CCDC170: variants seen among roughly 807,000 people sequenced by gnomAD.
The protein encoded by CCDC170 is coiled-coil domain-containing protein 170.
CCDC170 carries 69 observed loss-of-function variants against 72.6 expected under a neutral mutation model. The ratio of observed to expected loss-of-function variants is 0.95; its 90% CI spans 0.78 to 1.16. The LOEUF is 1.16. Ranked by LOEUF, CCDC170 falls within the 50% of genes most tolerant of loss-of-function variation. CCDC170 has a pLI of 0.00. For missense variants in CCDC170, 852 were observed against 832.5 expected (o/e 1.02, Z -0.29); for synonymous variants, 300 against 303.9 (o/e 0.99, Z 0.13).
intron 10 of CCDC170, among the ~76,000 whole-genome samples, chr6:151,617,408 C>CTTTTTTTTTTTTTTTTTTT (rs745655791): frequency 1.3e-4 from 12 of 91,474 alleles, no homozygotes; most frequent in Non-Finnish European, 2.4e-4. Flanking sequence ...GCTGTTTGTT[C>CTTTTTTTTTTTTTTTTTTT]TTTTTTTTTT....
chr6:151,571,458 A>T (rs756393136), intron 5 of CCDC170, among the ~76,000 whole-genome samples: 2 of 152,036 alleles, frequency 1.3e-5, no homozygotes, highest in African/African-American at 4.8e-5. Context: ...AATTTTAAAG[A>T]TGCTCATGCC....
At chr6:151,507,028 G>A (rs1385160307) in intron 1 of CCDC170, among the ~76,000 whole-genome samples, 3 of 152,106 alleles carry the variant, frequency 2.0e-5, no homozygotes, top group African/African-American at 7.2e-5. Flanking sequence ...CATCCTATTG[G>A]TTCTGTTTCT....
chr6:151,508,534 A>G (rs1782096252), intron 1 of CCDC170, among the ~76,000 whole-genome samples: 1 of 150,386 alleles, frequency 6.6e-6, no homozygotes, highest in Non-Finnish European at 1.5e-5. Context: ...ACGAAACTCC[A>G]TCTGAAAAAA....
At chr6:151,605,539 G>A (rs528779334) in intron 9 of CCDC170, among the ~76,000 whole-genome samples, 12 of 152,300 alleles carry the variant, frequency 7.9e-5, no homozygotes, top group Non-Finnish European at 1.5e-4. Flanking sequence ...GGCACTCAAA[G>A]TAGCTGCTTT....
At chr6:151,505,039 A>C (rs1782047521) in intron 1 of CCDC170, among the ~76,000 whole-genome samples, 1 of 152,140 alleles carries the variant, frequency 6.6e-6, no homozygotes, top group South Asian at 2.1e-4. Context: ...GTCAAGGCCC[A>C]AAAAGGAGGT....
At chr6:151,539,913 C>T (rs1002006295) in intron 3 of CCDC170, among the ~76,000 whole-genome samples, 2 of 152,158 alleles carry the variant, frequency 1.3e-5, no homozygotes, top group Admixed American at 6.5e-5. Flanking sequence ...CTTTCTCTTT[C>T]ACCCTCCATG....
At chr6:151,526,317 G>A (rs968660585) in intron 1 of CCDC170, among the ~76,000 whole-genome samples, 3 of 151,860 alleles carry the variant, frequency 2.0e-5, no homozygotes, top group Non-Finnish European at 2.9e-5. Flanking sequence ...CACCTCCTAG[G>A]TTCAAGTCAT....
At position 151,494,248 on chromosome 6, in the gene CCDC170, C is replaced by T. The variant is rs566794161; in HGVS notation, c.57+63C>T. 3.5e-6 allele frequency: 5 copies of T among 1,413,330 alleles called. No homozygotes were observed. In the African/African-American group the frequency reaches 7.4e-5, roughly 21 times the overall value. The allele number at this position is 1,413,330 out of a possible 1,614,324, so 87.5% of individuals were successfully genotyped here. On this transcript the variant is annotated intron_variant, in intron 1 of 10. Transcript: ENST00000239374. Reference sequence around the variant, plus strand: ...CTGGGGATAGACGACCCAGGAGGGGCCGAGGCGCCCCTGATTTGCACCCTT... The same window carrying T: ...CTGGGGATAGACGACCCAGGAGGGGTCGAGGCGCCCCTGATTTGCACCCTT...
chr6:151,499,097 C>G (rs1305453958), intron 1 of CCDC170, among the ~76,000 whole-genome samples: 1 of 140,346 alleles, frequency 7.1e-6, no homozygotes, highest in Non-Finnish European at 1.5e-5. Flanking sequence ...CTGTATTTGA[C>G]TATTCTAGGC....
At chr6:151,591,703 G>A (rs925590972) in intron 7 of CCDC170, among the ~76,000 whole-genome samples, 1 of 151,980 alleles carries the variant, frequency 6.6e-6, no homozygotes, top group African/African-American at 2.4e-5. Context: ...CACTGTGTTA[G>A]CCAGCATGGT....
Position 151,538,074 on chromosome 6 carries a change from T to C in CCDC170, c.216T>C (p.Ser72=), listed in dbSNP as rs199548982. 3.1e-6 allele frequency: 5 copies of C among 1,613,584 alleles called. No individual in the cohort carries two copies. The highest frequency in any genetic ancestry group is 1.7e-5 in the Admixed American group (1 of 59,966). Residue 72 remains serine (S), a synonymous_variant, in exon 3 of 11, where the codon TCT becomes TCC. Coordinates refer to ENST00000239374, the MANE Select transcript of CCDC170 (RefSeq NM_025059.4). ...AAGACCTCCGATCCAAGATGCTTTC[T>C]AAAGAAGTCTCCTGTCAAGAACTGA... ...ELQDLRSKML[S]KEVSCQELKA...
chr6:151,524,450 G>A (rs1782371909), intron 1 of CCDC170, among the ~76,000 whole-genome samples: 1 of 152,144 alleles, frequency 6.6e-6, no homozygotes, highest in Non-Finnish European at 1.5e-5. Flanking sequence ...TCATGAACAT[G>A]GAATTCACAA....
intron 3 of CCDC170, among the ~76,000 whole-genome samples, chr6:151,544,041 T>G (rs1000569708): frequency 5.3e-5 from 8 of 152,208 alleles, no homozygotes; most frequent in African/African-American, 1.9e-4. Flanking sequence ...ATTGAACACA[T>G]CTCCTTTCCA....
intron 1 of CCDC170, among the ~76,000 whole-genome samples, chr6:151,514,854 T>C (rs1782212153): frequency 6.6e-6 from 1 of 152,154 alleles, no homozygotes; most frequent in African/African-American, 2.4e-5. Flanking sequence ...GGATGAAGCC[T>C]TGGCAGAACC....
At chr6:151,551,581 C>G (rs1204610000) in intron 5 of CCDC170, among the ~76,000 whole-genome samples, 1 of 152,144 alleles carries the variant, frequency 6.6e-6, no homozygotes, top group Non-Finnish European at 1.5e-5. Flanking sequence ...TGAGGGAAGC[C>G]AGGGGCCATG....
chr6:151,616,153 CT>C (rs1449299962), intron 10 of CCDC170, among the ~76,000 whole-genome samples: 1 of 152,118 alleles, frequency 6.6e-6, no homozygotes, highest in African/African-American at 2.4e-5. Flanking sequence ...CATCATAGAG[CT>C]CTTAACGTTA....
chr6:151,571,381 G>A (rs943306686), intron 5 of CCDC170, among the ~76,000 whole-genome samples: 1 of 151,612 alleles, frequency 6.6e-6, no homozygotes. Flanking sequence ...TTAACACGCC[G>A]CTTAATATTT....
chr6:151,535,193 G>A (rs962510933), intron 1 of CCDC170, among the ~76,000 whole-genome samples: 1 of 152,156 alleles, frequency 6.6e-6, no homozygotes, highest in Non-Finnish European at 1.5e-5. Flanking sequence ...CAAAAACTGG[G>A]AATTTACACT....
intron 3 of CCDC170, among the ~76,000 whole-genome samples, chr6:151,539,356 G>A (rs769659248): frequency 3.9e-5 from 6 of 152,202 alleles, no homozygotes; most frequent in Non-Finnish European, 7.3e-5. Flanking sequence ...TCATCAGTGA[G>A]TGCACAGTGC....
Sources: gnomAD v4.1 joint callset for allele counts (sites outside exome capture counted in the v4.1 genomes callset) on GRCh38, gnomAD v4.1.1 for gene constraint, MANE v1.5 for transcripts, NCBI Gene and HGNC (gene_info 2026-07-23, HGNC 2026-07-21) for gene names.